The following CMSS1 variants were observed in gnomAD, a reference collection of about 807,000 sequenced individuals.
CMSS1 encodes the protein cms1 ribosomal small subunit homolog, also known as protein CMSS1.
A neutral mutation model predicts 43.5 loss-of-function variants in CMSS1; 33 were observed. That is an observed-to-expected ratio of 0.76 (90% CI 0.57 to 1.01). The LOEUF (loss-of-function observed/expected upper bound fraction) is 1.01, where lower values mean the gene tolerates loss of function less well. CMSS1 is among the 50% of genes least tolerant of loss of function. CMSS1 has a pLI of 0.00. For synonymous variants in CMSS1, 115 were observed against 117.2 expected, an observed-to-expected ratio of 0.98 and a Z score of 0.12; for missense variants, 313 against 326.4, an observed-to-expected ratio of 0.96 and a Z score of 0.32.
chr3:99,949,829 T>C (rs1037490494), intron 1 of CMSS1, among the ~76,000 whole-genome samples: 9 of 152,230 alleles, frequency 5.9e-5, no homozygotes, highest in African/African-American at 2.2e-4. Flanking sequence ...AATAATTCTT[T>C]GATTTGTTCA....
At chr3:100,171,181 TCTTA>T (rs1341794516) in intron 6 of CMSS1, among the ~76,000 whole-genome samples, 1 of 152,078 alleles carries the variant, frequency 6.6e-6, no homozygotes, top group Non-Finnish European at 1.5e-5. Context: ...AGTGGTTTCT[TCTTA>T]CTTTTTTTCC....
At chr3:99,855,381 A>AAT (rs1451626835) in intron 1 of CMSS1, among the ~76,000 whole-genome samples, 3 of 152,116 alleles carry the variant, frequency 2.0e-5, no homozygotes, top group East Asian at 3.9e-4. Flanking sequence ...CAAAGACTAA[A>AAT]ATATATATAT....
At chr3:100,117,039 G>A (rs1362079882) in intron 1 of CMSS1, among the ~76,000 whole-genome samples, 1 of 152,096 alleles carries the variant, frequency 6.6e-6, no homozygotes, top group Non-Finnish European at 1.5e-5. Context: ...GTGTGAAGAT[G>A]TCATGGAAAC....
Position 100,161,286 on chromosome 3 carries a change from A to G in CMSS1, c.225+785A>G, listed in dbSNP as rs150200479. On this transcript the variant is annotated intron_variant, in intron 3 of 9. Coordinates refer to ENST00000421999, the MANE Select transcript of CMSS1 (RefSeq NM_032359.4). ...TGTTTTCTTTTCTTACAAATGGCCA[A>G]ATAGGAAAATGGGAGATGCCAAATT... 5.4e-3 allele frequency among the ~76,000 whole-genome samples: 815 copies of G among 152,280 alleles called. 13 individuals carry two copies. Among genetic ancestry groups the G allele is most frequent in the African/African-American group, 0.019 (770 of 41,556 alleles).
At chr3:99,963,946 G>A (rs1368816049) in intron 1 of CMSS1, among the ~76,000 whole-genome samples, 1 of 152,134 alleles carries the variant, frequency 6.6e-6, no homozygotes, top group Non-Finnish European at 1.5e-5. Flanking sequence ...TAATTAAAAT[G>A]TGTCATAACG....
intron 1 of CMSS1, chr3:99,930,101 A>C: frequency 7.9e-7 from 1 of 1,262,820 alleles, no homozygotes; most frequent in South Asian, 1.5e-5. Flanking sequence ...TTTTTGTGAT[A>C]GTTGGCAGTG....
intron 1 of CMSS1, among the ~76,000 whole-genome samples, chr3:99,854,014 G>A (rs143238012): frequency 3.9e-5 from 6 of 152,336 alleles, no homozygotes; most frequent in Non-Finnish European, 8.8e-5. Flanking sequence ...GTGTCAGAGA[G>A]AGGGAAAGAC....
intron 1 of CMSS1, among the ~76,000 whole-genome samples, chr3:99,982,556 C>A (rs1709159456): frequency 6.6e-6 from 1 of 152,096 alleles, no homozygotes; most frequent in South Asian, 2.1e-4. Flanking sequence ...GTTGCCCAGG[C>A]TGGTCTTTCA....
At position 99,817,908 on chromosome 3, in the gene CMSS1, TTGAGACAACG is replaced by T. The variant is rs1942352541; in HGVS notation, c.-68_-59del. 1 of 1,535,394 alleles carries T rather than the reference TTGAGACAACG, an allele frequency of 6.5e-7. No individual in the cohort carries two copies. Among genetic ancestry groups the T allele is most frequent in the Admixed American group, 1.7e-5 (1 of 59,548 alleles). ...GTGTAGCTACGCCGGCCGCCTGGCT[TTGAGACAACG>T]TGATTCTCCGCAGCTGGTCGCCTAC... On this transcript the variant is annotated 5_prime_UTR_variant, in exon 1 of 10. Coordinates refer to ENST00000421999, the MANE Select transcript of CMSS1 (RefSeq NM_032359.4).
chr3:99,857,168 T>TC (rs1944006548), intron 1 of CMSS1, among the ~76,000 whole-genome samples: 1 of 151,292 alleles, frequency 6.6e-6, no homozygotes, highest in African/African-American at 2.5e-5. Flanking sequence ...CCTAAGTAGT[T>TC]TTATTCACTA....
intron 1 of CMSS1, among the ~76,000 whole-genome samples, chr3:99,946,226 G>T (rs928833213): frequency 2.0e-5 from 3 of 152,108 alleles, no homozygotes; most frequent in African/African-American, 7.2e-5. Context: ...AATAGCCCTG[G>T]ATACTATTGT....
chr3:100,107,639 T>G (rs2107469791), intron 1 of CMSS1, among the ~76,000 whole-genome samples: 1 of 152,276 alleles, frequency 6.6e-6, no homozygotes, highest in African/African-American at 2.4e-5. Context: ...TGGAAATTCC[T>G]TGTTTTAAAA....
intron 1 of CMSS1, among the ~76,000 whole-genome samples, chr3:99,968,613 A>G (rs975079087): frequency 2.6e-5 from 4 of 152,220 alleles, no homozygotes; most frequent in Admixed American, 6.5e-5. Context: ...AATATATAGA[A>G]TGAACAAATT....
At chr3:100,006,792 G>A (rs539156570) in intron 1 of CMSS1, among the ~76,000 whole-genome samples, 1 of 152,284 alleles carries the variant, frequency 6.6e-6, no homozygotes, top group South Asian at 2.1e-4. Flanking sequence ...AATAATTGCG[G>A]CATGTCAGCC....
At chr3:99,992,199 C>A (rs1362865640) in intron 1 of CMSS1, among the ~76,000 whole-genome samples, 1 of 151,940 alleles carries the variant, frequency 6.6e-6, no homozygotes, top group Non-Finnish European at 1.5e-5. Flanking sequence ...AGTGAAATTG[C>A]TGAATCAAAT....
At chr3:100,040,176 C>T (rs2065179873) in intron 1 of CMSS1, 1 of 151,968 alleles carries the variant, frequency 6.6e-6, no homozygotes, top group South Asian at 2.1e-4. Flanking sequence ...GAAGTAGGAA[C>T]CTAAGACAAT....
chr3:99,883,660 T>G (rs1256640722), intron 1 of CMSS1, among the ~76,000 whole-genome samples: 1 of 152,228 alleles, frequency 6.6e-6, no homozygotes, highest in Non-Finnish European at 1.5e-5. Flanking sequence ...GTACTGCTTC[T>G]GTGATAATCT....
At chr3:100,114,663 A>G (rs2066541584) in intron 1 of CMSS1, 2 of 239,602 alleles carry the variant, frequency 8.3e-6, no homozygotes, top group Admixed American at 1.1e-4. Flanking sequence ...CCCAAGCACA[A>G]CCTGGGTCCC....
At chr3:99,990,499 A>G (rs910814736) in intron 1 of CMSS1, among the ~76,000 whole-genome samples, 2 of 152,220 alleles carry the variant, frequency 1.3e-5, no homozygotes, top group Non-Finnish European at 2.9e-5. Flanking sequence ...AAGTCAAACT[A>G]ACAAATGTGT....
Sources: gnomAD v4.1 joint callset for allele counts (sites outside exome capture counted in the v4.1 genomes callset) on GRCh38, gnomAD v4.1.1 for gene constraint, MANE v1.5 for transcripts, NCBI Gene and HGNC (gene_info 2026-07-23, HGNC 2026-07-21) for gene names.